Variants in ALS2CL observed in about 807,000 individuals in gnomAD.
ALS2CL encodes the protein ALS2 C-terminal-like protein.
In ALS2CL, 112 loss-of-function variants were observed where a neutral mutation model predicts 127.9. The observed-to-expected ratio is 0.88, with a 90% CI of 0.75 to 1.02. ALS2CL has a LOEUF of 1.02. ALS2CL is among the 50% of genes least tolerant of loss of function. The pLI, the probability that ALS2CL is intolerant of heterozygous loss-of-function variation, is 0.00. For synonymous variants in ALS2CL, 519 were observed against 527.6 expected (o/e 0.98, Z 0.22); for missense variants, 1,174 against 1,236.7 (o/e 0.95, Z 0.76).
intron 14 of ALS2CL, 106 bp downstream of exon 14, chr3:46,680,324 A>G: frequency 8.1e-7 from 1 of 1,240,898 alleles, no homozygotes; most frequent in Non-Finnish European, 1.1e-6. Context: ...ACCCAGGAAC[A>G]CAGCCCCCTT....
At chr3:46,676,762 T>G in intron 17 of ALS2CL, 24 bp from the exon 18 acceptor site, 1 of 1,612,884 alleles carries the variant, frequency 6.2e-7, no homozygotes, top group South Asian at 1.1e-5. Context: ...ACAGCATCCC[T>G]CACCCACACC....
At chr3:46,673,456 T>G in intron 21 of ALS2CL, 75 bp from the exon 22 acceptor site, 1 of 1,440,632 alleles carries the variant, frequency 6.9e-7, no homozygotes, top group South Asian at 1.2e-5. Context: ...GCAAATTCCC[T>G]ATGCCACTGT....
rs370146499 is a variant in ALS2CL, at chr3:46,687,116, C to T, written c.401G>A (p.Arg134Gln). The T allele has an allele frequency of 5.1e-6, 8 of 1,561,910 alleles. No homozygotes were observed. Among genetic ancestry groups the T allele is most frequent in the African/African-American group, 2.7e-5 (2 of 74,074 alleles). The stretch of plus-strand genomic sequence containing the variant: ...TGAGCTCACACCTGAAAGCAGCTGC[C>T]GCAGCGCCTTCCGCTGGCCCCGCCA... ...EYWRGQRKAL[R>Q]QLLSGVSSEG... is the part of the protein sequence containing the mutation. Residue 134 changes from arginine (R) to glutamine (Q), a missense_variant, in exon 5 of 26, where the codon CGG (arginine) becomes CAG (glutamine). Transcript: ENST00000318962.
intron 18 of ALS2CL, 43 bp from the exon 19 acceptor site, chr3:46,676,445 G>T: frequency 1.2e-6 from 2 of 1,609,562 alleles, no homozygotes; most frequent in Non-Finnish European, 1.7e-6. Context: ...AAGCACTGGG[G>T]TCTGGAGCAC....
chr3:46,682,938 CTT>C (rs1206844288), intron 10 of ALS2CL, among the ~76,000 whole-genome samples, 190 bp downstream of exon 10: 1 of 152,246 alleles, frequency 6.6e-6, no homozygotes, highest in Non-Finnish European at 1.5e-5. Flanking sequence ...ACCATCAAGA[CTT>C]TATTTGGCAC....
At chr3:46,672,546 G>A (rs575051553) in intron 22 of ALS2CL, among the ~76,000 whole-genome samples, 6 of 152,252 alleles carry the variant, frequency 3.9e-5, no homozygotes, top group South Asian at 2.1e-4. Flanking sequence ...ACAGGTTCCC[G>A]GGCCCACTCC....
Position 46,678,316 on chromosome 3 carries a change from G to A in ALS2CL, c.1700C>T (p.Thr567Ile), listed in dbSNP as rs781259903. Residue 567 changes from threonine to isoleucine, a missense_variant, in exon 16 of 26, where the codon ACA becomes ATA. Thr to Ile is a moderately conservative substitution (Grantham distance 89). Transcript: ENST00000318962. ...FGSGAGRGLH[T>I]QGVLDTAALP... is the part of the protein sequence containing the mutation. Reference sequence around the variant, plus strand: ...GGCAGCCGTGTCCAGCACACCCTGTGTGTGCAGTCCTCTCCCTGCCCCACT... The same window carrying A: ...GGCAGCCGTGTCCAGCACACCCTGTATGTGCAGTCCTCTCCCTGCCCCACT... The A allele has an allele frequency of 2.5e-6, 4 of 1,612,654 alleles. No homozygotes were observed. The African/African-American group carries it at 4.0e-5, about 16-fold the overall frequency.
chr3:46,686,692 G>A lies in ALS2CL; in HGVS notation c.535-253C>T, dbSNP rs1192472042. Among the ~76,000 whole-genome samples, 1 of 152,076 alleles carries A rather than the reference G, an allele frequency of 6.6e-6. No individual in the cohort carries two copies. The highest frequency in any genetic ancestry group is 1.5e-5 in the Non-Finnish European group (1 of 68,008). On this transcript the variant is annotated intron_variant, in intron 5 of 25. Coordinates refer to ENST00000318962, the MANE Select transcript of ALS2CL (RefSeq NM_147129.5). This position sits in a 1 kb window ranked among gnomAD's most constrained non-coding sequence, Gnocchi z 4.3. ...CTCTGGGTCTCTGCTGGCTCTACCA[G>A]GGCAGGGCCACGTGCCTCAGACACC... is the stretch of plus-strand genomic sequence containing the variant.
intron 25 of ALS2CL, 109 bp from the exon 26 acceptor site, chr3:46,671,173 G>A (rs1559453328): frequency 1.3e-5 from 16 of 1,218,268 alleles, no homozygotes; most frequent in South Asian, 8.7e-5. Flanking sequence ...ACCCAGAGGA[G>A]GCGTGTCTCC....
At position 46,671,083 on chromosome 3, in the gene ALS2CL, G is replaced by A. The variant is rs1228295077; in HGVS notation, c.2782-19C>T. 3.7e-6 allele frequency: 6 copies of A among 1,612,078 alleles called. No homozygotes were observed. Among genetic ancestry groups the A allele is most frequent in the South Asian group, 1.1e-5 (1 of 91,022 alleles). ...AACAGGACTGGAGGGAGAGAGGCAA[G>A]GCTGAGGCCAGTTGACCTGCCTGAT... On this transcript the variant is annotated intron_variant, in intron 25 of 25. Transcript: ENST00000318962.
intron 10 of ALS2CL, 93 bp downstream of exon 10, chr3:46,683,037 A>C: frequency 7.5e-7 from 1 of 1,327,128 alleles, no homozygotes; most frequent in Non-Finnish European, 1.0e-6. Context: ...CGCTCCTGGA[A>C]CATGTCCTGA....
intron 1 of ALS2CL, 164 bp downstream of exon 1, chr3:46,693,476 CGGG>C (rs1162648859): frequency 2.6e-5 from 4 of 152,526 alleles, no homozygotes; most frequent in African/African-American, 9.6e-5. Context: ...ACGCTGTGAG[CGGG>C]GTATCTTACG....
chr3:46,676,500 C>G, intron 18 of ALS2CL, 98 bp from the exon 19 acceptor site: 3 of 1,567,112 alleles, frequency 1.9e-6, no homozygotes, highest in Non-Finnish European at 2.6e-6. Flanking sequence ...ATCTCATACA[C>G]GAGAACACTG....
chr3:46,681,480 C>G lies in ALS2CL; in HGVS notation c.1274+20G>C, dbSNP rs761217255. ...AGAGGATGGGCCCAGCCCATGAACC[C>G]CCCAGCCAGGGTCACTTACTCACAG... On this transcript the variant is annotated intron_variant, in intron 12 of 25. Coordinates refer to ENST00000318962, the MANE Select transcript of ALS2CL (RefSeq NM_147129.5). The surrounding 1 kb of genome is among the most constrained non-coding windows in gnomAD (Gnocchi z 4.9). The G allele has an allele frequency of 6.2e-7, 1 of 1,614,076 alleles. No individual in the cohort carries two copies. The highest frequency in any genetic ancestry group is 1.1e-5 in the South Asian group (1 of 91,086).
In ALS2CL at chr3:46,680,413, G is replaced by C; in HGVS notation, c.1548+17C>G. On this transcript the variant is annotated intron_variant, in intron 14 of 25. Coordinates refer to ENST00000318962, the MANE Select transcript of ALS2CL (RefSeq NM_147129.5). ...GGGGTGCAAAGAGAGGGATAGCCCAGGATACACTCCACTCACCACCGTCTT... is the reference window on the plus strand; with the variant it reads ...GGGGTGCAAAGAGAGGGATAGCCCACGATACACTCCACTCACCACCGTCTT... 6.2e-7 allele frequency: 1 copy of C among 1,609,034 alleles called. No homozygotes were observed. Among genetic ancestry groups the C allele is most frequent in the African/African-American group, 1.3e-5 (1 of 74,976 alleles).
chr3:46,693,234 C>T (rs1700270247), intron 1 of ALS2CL, among the ~76,000 whole-genome samples: 1 of 152,260 alleles, frequency 6.6e-6, no homozygotes, highest in Non-Finnish European at 1.5e-5. Flanking sequence ...GCTGGAGTTT[C>T]CCAGACCCGA....
chr3:46,681,649 T>C lies in ALS2CL; in HGVS notation c.1176-51A>G. On this transcript the variant is annotated intron_variant, in intron 11 of 25. Transcript: ENST00000318962. This position sits in a 1 kb window ranked among gnomAD's most constrained non-coding sequence, Gnocchi z 4.9. ...GATCAGCCCTGACCTGAGACGCCCA[T>C]TACACCTACTCCATGCCACCCAGGA... is the stretch of plus-strand genomic sequence containing the variant. 1 of 1,574,242 alleles carries C rather than the reference T, an allele frequency of 6.4e-7. No homozygotes were observed. Among genetic ancestry groups the C allele is most frequent in the Non-Finnish European group, 8.7e-7 (1 of 1,145,920 alleles).
In ALS2CL at chr3:46,678,329, TC is replaced by T; in HGVS notation, c.1686del (p.Arg563GlufsTer116). ...TLEGSFGSGA[G>X]RGLHTQGVLD... is the part of the protein sequence containing the mutation. The stretch of plus-strand genomic sequence containing the variant: ...AGCACACCCTGTGTGTGCAGTCCTC[TC>T]CCTGCCCCACTGCCGAACGAGCCCT... On this transcript the variant is annotated frameshift_variant, in exon 16 of 26. Transcript: ENST00000318962. LOFTEE classifies it high-confidence loss of function. 6.2e-7 allele frequency: 1 copy of T among 1,613,346 alleles called. No homozygotes were observed. Among genetic ancestry groups the T allele is most frequent in the Non-Finnish European group, 8.5e-7 (1 of 1,179,620 alleles).
chr3:46,692,897 C>T (rs1285328040), intron 1 of ALS2CL, among the ~76,000 whole-genome samples: 4 of 152,216 alleles, frequency 2.6e-5, no homozygotes, highest in African/African-American at 7.2e-5. Flanking sequence ...CCCTGACACA[C>T]CTTGTCGTGA....
Sources: allele counts gnomAD v4.1 joint callset (sites outside exome capture counted in the v4.1 genomes callset), GRCh38; gene constraint gnomAD v4.1.1; non-coding constraint Gnocchi (gnomAD v3.1); transcripts MANE v1.5; gene names NCBI Gene and HGNC (gene_info 2026-07-23, HGNC 2026-07-21).